IQCJ: variants seen among roughly 807,000 people sequenced by gnomAD.
IQCJ encodes the protein IQ domain-containing protein J.
A neutral mutation model predicts 11.0 loss-of-function variants in IQCJ; 9 were observed. The observed-to-expected ratio is 0.82, with a 90% confidence interval of 0.49 to 1.43. IQCJ has a LOEUF of 1.43. Ranked by LOEUF, IQCJ falls within the 40% of genes most tolerant of loss-of-function variation. IQCJ has a pLI of 0.00. For synonymous variants in IQCJ, 55 were observed against 51.3 expected (o/e 1.07, Z -0.31); for missense variants, 146 against 133.2 (o/e 1.10, Z -0.47).
At chr3:159,080,139 C>A (rs1246816111) in intron 1 of IQCJ, among the ~76,000 whole-genome samples, 1 of 151,234 alleles carries the variant, frequency 6.6e-6, no homozygotes, top group Non-Finnish European at 1.5e-5. Context: ...AATCCAAACA[C>A]AATATATCTT....
At chr3:159,264,816 G>A (rs1728409391), downstream of IQCJ, among the ~76,000 whole-genome samples, 1 of 151,902 alleles carries the variant, frequency 6.6e-6, no homozygotes, top group Non-Finnish European at 1.5e-5. Context: ...GAAGACTGAG[G>A]CAGGAGAATG....
intron 2 of IQCJ, among the ~76,000 whole-genome samples, chr3:159,247,400 C>T (rs910480148): frequency 1.3e-5 from 2 of 152,106 alleles, no homozygotes; most frequent in Admixed American, 1.3e-4. Flanking sequence ...GGTCTATTTA[C>T]TCAGGGTTCT....
intron 1 of IQCJ, among the ~76,000 whole-genome samples, chr3:159,200,593 A>G (rs779508380): frequency 1.3e-4 from 20 of 152,200 alleles, no homozygotes; most frequent in Non-Finnish European, 2.9e-4. Flanking sequence ...TCCAGCAGGA[A>G]GGGACAGGTT....
intron 1 of IQCJ, among the ~76,000 whole-genome samples, chr3:159,122,587 A>G (rs879267553): frequency 1.3e-5 from 2 of 152,114 alleles, no homozygotes; most frequent in African/African-American, 4.8e-5. Context: ...TTTTTCTTCG[A>G]AAAGTTTCCT....
intron 1 of IQCJ, among the ~76,000 whole-genome samples, chr3:159,218,341 T>TTGTGTG (rs34078356): frequency 0.027 from 3,935 of 145,988 alleles, 160 homozygotes; most frequent in African/African-American, 0.09. Flanking sequence ...GAGTCCCTCT[T>TTGTGTG]TGTGTGTGTG....
At chr3:159,128,199 A>T (rs981301337) in intron 1 of IQCJ, among the ~76,000 whole-genome samples, 1 of 152,212 alleles carries the variant, frequency 6.6e-6, no homozygotes, top group Non-Finnish European at 1.5e-5. Context: ...AATTCATGGG[A>T]CAATGGGCTG....
chr3:159,235,935 G>A (rs1344910436), intron 1 of IQCJ, among the ~76,000 whole-genome samples: 2 of 152,096 alleles, frequency 1.3e-5, no homozygotes, highest in African/African-American at 4.8e-5. Flanking sequence ...GTCCACTGTC[G>A]ACAAGTGTAG....
intron 1 of IQCJ, among the ~76,000 whole-genome samples, chr3:159,163,209 A>G (rs188277285): frequency 6.6e-6 from 1 of 152,340 alleles, no homozygotes; most frequent in South Asian, 2.1e-4. Context: ...GCAGCACATC[A>G]AAAAGCTTAT....
At chr3:159,164,659 T>C (rs1277011971) in intron 1 of IQCJ, among the ~76,000 whole-genome samples, 1 of 152,044 alleles carries the variant, frequency 6.6e-6, no homozygotes, top group Non-Finnish European at 1.5e-5. Context: ...TCCCAGCTAC[T>C]TGGGAGGCTG....
intron 1 of IQCJ, among the ~76,000 whole-genome samples, chr3:159,141,586 A>T (rs1720606931): frequency 6.6e-6 from 1 of 152,226 alleles, no homozygotes; most frequent in African/African-American, 2.4e-5. Flanking sequence ...TAAGTTTCTG[A>T]TTAGCTAAGA....
chr3:159,249,892 T>C (rs571414565), intron 2 of IQCJ, among the ~76,000 whole-genome samples: 27 of 112,888 alleles, frequency 2.4e-4, no homozygotes, highest in East Asian at 8.2e-4. Flanking sequence ...GCCAATCAAG[T>C]GCATTTGTGT....
At chr3:159,180,780 C>T (rs1000661752) in intron 1 of IQCJ, among the ~76,000 whole-genome samples, 18 of 151,876 alleles carry the variant, frequency 1.2e-4, no homozygotes, top group Admixed American at 6.5e-4. Flanking sequence ...AAAAACAACC[C>T]ATAACTCTAT....
chr3:159,245,888 G>A lies in IQCJ; in HGVS notation c.55G>A (p.Gly19Arg). ...GAATCCTCTAGAACAAGTTAATGAT[G>A]GAAAATATTCATTTGAAAAGTAAGT... ...LQNPLEQVND[G>R]KYSFENHQLA... The change falls in exon 2 of 4, where the codon GGA (glycine) becomes AGA (arginine). Residue 19 changes from glycine (G) to arginine (R), a missense_variant. By Grantham distance (125) the Gly-to-Arg change is moderately radical. Transcript: ENST00000397832. 2.6e-6 allele frequency: 4 copies of A among 1,542,900 alleles called. No individual in the cohort carries two copies. Among genetic ancestry groups the A allele is most frequent in the Non-Finnish European group, 3.5e-6 (4 of 1,138,962 alleles).
downstream of IQCJ, chr3:159,265,171 G>T: frequency 2.0e-6 from 3 of 1,531,332 alleles, no homozygotes; most frequent in South Asian, 3.6e-5. Context: ...GTAGTTGTTT[G>T]GAGTTTAGTG....
chr3:159,084,553 C>T (rs1431898385), intron 1 of IQCJ, among the ~76,000 whole-genome samples: 1 of 152,060 alleles, frequency 6.6e-6, no homozygotes, highest in Non-Finnish European at 1.5e-5. Flanking sequence ...TCACTCTTCA[C>T]AACAATCCTA....
At chr3:159,123,118 G>C (rs1249262850) in intron 1 of IQCJ, among the ~76,000 whole-genome samples, 1 of 152,130 alleles carries the variant, frequency 6.6e-6, no homozygotes, top group African/African-American at 2.4e-5. Context: ...CACAACAATG[G>C]TGTTAATGTA....
chr3:159,162,278 A>T (rs1451225957), intron 1 of IQCJ, among the ~76,000 whole-genome samples: 2 of 152,054 alleles, frequency 1.3e-5, no homozygotes, highest in Non-Finnish European at 2.9e-5. Context: ...TAGGTATTTT[A>T]TTCTCTTTGA....
At chr3:159,196,670 G>A (rs1723998557) in intron 1 of IQCJ, among the ~76,000 whole-genome samples, 1 of 152,128 alleles carries the variant, frequency 6.6e-6, no homozygotes, top group South Asian at 2.1e-4. Flanking sequence ...AACTGTAATG[G>A]CTCATGTCTC....
At chr3:159,201,155 T>C (rs1198664359) in intron 1 of IQCJ, among the ~76,000 whole-genome samples, 1 of 152,174 alleles carries the variant, frequency 6.6e-6, no homozygotes, top group Non-Finnish European at 1.5e-5. Flanking sequence ...TTTTCAAGAA[T>C]AAAAGGCACT....
Sources: gnomAD v4.1 joint callset for allele counts (sites outside exome capture counted in the v4.1 genomes callset) on GRCh38, gnomAD v4.1.1 for gene constraint, MANE v1.5 for transcripts, NCBI Gene and HGNC (gene_info 2026-07-23, HGNC 2026-07-21) for gene names.